The following DNER variants were observed in gnomAD, a reference collection of about 807,000 sequenced individuals.
The protein encoded by DNER is delta/notch like EGF repeat containing, also known as delta and Notch-like epidermal growth factor-related receptor.
DNER carries 33 observed loss-of-function variants against 78.2 expected under a neutral mutation model. That is an observed-to-expected ratio of 0.42 (90% confidence interval 0.32 to 0.56). The LOEUF (loss-of-function observed/expected upper bound fraction) is 0.56, where lower values mean the gene tolerates loss of function less well. Ranked by LOEUF, DNER falls within the 20% of genes least tolerant of loss-of-function variation. DNER has a pLI of 0.11. For synonymous variants in DNER, 417 were observed against 384.8 expected (o/e 1.08, Z -0.98); for missense variants, 918 against 975.3 (o/e 0.94, Z 0.78).
intron 10 of DNER, among the ~76,000 whole-genome samples, chr2:229,392,292 A>G (rs1230117958): frequency 6.0e-5 from 9 of 150,830 alleles, no homozygotes; most frequent in African/African-American, 2.2e-4. Context: ...AAAAAAAACT[A>G]TGAAGACATT....
intron 1 of DNER, among the ~76,000 whole-genome samples, chr2:229,607,782 G>C (rs1014765569): frequency 4.6e-5 from 7 of 152,178 alleles, no homozygotes; most frequent in East Asian, 1.9e-4. Flanking sequence ...CAGCACTTTG[G>C]GGGGCCGAGG....
In DNER at chr2:229,591,962, GT is replaced by G; in HGVS notation, c.277-75del. On this transcript the variant is annotated intron_variant, in intron 1 of 12. Transcript: ENST00000341772. The surrounding 1 kb of genome is among the most constrained non-coding windows in gnomAD (Gnocchi z 4.6). ...GTGCCATCGCTGGGAAATTAGCTCT[GT>G]GTCTCAGAGCGACTGCTGTAATGGA... is the stretch of plus-strand genomic sequence containing the variant. 2 of 1,435,590 alleles carry G rather than the reference GT, an allele frequency of 1.4e-6. No homozygotes were observed. The highest frequency in any genetic ancestry group is 9.1e-7 in the Non-Finnish European group (1 of 1,095,854). 88.9% of individuals were successfully genotyped at this position (1,435,590 alleles called of 1,614,324 possible).
chr2:229,602,896 G>A (rs1426266620), intron 1 of DNER, among the ~76,000 whole-genome samples: 3 of 152,192 alleles, frequency 2.0e-5, no homozygotes, highest in African/African-American at 7.2e-5. Flanking sequence ...GTGTGCTTCT[G>A]TAAAATGGCC....
intron 5 of DNER, among the ~76,000 whole-genome samples, chr2:229,527,052 GA>G (rs1426548978): frequency 6.6e-6 from 1 of 152,146 alleles, no homozygotes; most frequent in African/African-American, 2.4e-5. Flanking sequence ...TTTTAAAAAA[GA>G]AAAAGATCCT....
intron 6 of DNER, among the ~76,000 whole-genome samples, chr2:229,480,493 T>C (rs1037682617): frequency 1.3e-5 from 2 of 152,226 alleles, no homozygotes; most frequent in African/African-American, 4.8e-5. Flanking sequence ...TGTCTGATAA[T>C]GCACAAATAT....
chr2:229,389,991 T>C (rs1350522090), intron 10 of DNER, among the ~76,000 whole-genome samples: 1 of 152,160 alleles, frequency 6.6e-6, no homozygotes, highest in African/African-American at 2.4e-5. Context: ...TTAGTAGAAA[T>C]AGTCATAGAT....
At chr2:229,472,356 T>A (rs1694941497) in intron 7 of DNER, among the ~76,000 whole-genome samples, 1 of 152,232 alleles carries the variant, frequency 6.6e-6, no homozygotes, top group Admixed American at 6.5e-5. Flanking sequence ...GGGATGGTCA[T>A]GCTGCAGAGC....
chr2:229,665,691 T>C (rs1378825907), intron 1 of DNER, among the ~76,000 whole-genome samples: 1 of 152,126 alleles, frequency 6.6e-6, no homozygotes, highest in Non-Finnish European at 1.5e-5. Context: ...AAGCAATGCA[T>C]AGCTGGATTC....
At chr2:229,579,184 T>C (rs1697351399) in intron 4 of DNER, among the ~76,000 whole-genome samples, 1 of 152,178 alleles carries the variant, frequency 6.6e-6, no homozygotes, top group South Asian at 2.1e-4. Flanking sequence ...CTGGCCTGCC[T>C]TCCCTCCCTC....
In DNER at chr2:229,485,935, C is replaced by T. The variant is rs150389039; in HGVS notation, c.1148-8682G>A. ...CAATTGCGACGAGAGCTATTTTTAA[C>T]GCTCCTGGTCTTTTAATAGTCTGGC... On this transcript the variant is annotated intron_variant, in intron 6 of 12. Coordinates refer to ENST00000341772, the MANE Select transcript of DNER (RefSeq NM_139072.4). 9.6e-3 allele frequency among the ~76,000 whole-genome samples: 1,456 copies of T among 152,220 alleles called. 10 individuals carry two copies. Among genetic ancestry groups the T allele is most frequent in the Non-Finnish European group, 0.015 (1,031 of 68,030 alleles).
At chr2:229,620,622 C>A (rs535723327) in intron 1 of DNER, among the ~76,000 whole-genome samples, 1 of 152,346 alleles carries the variant, frequency 6.6e-6, no homozygotes, top group African/African-American at 2.4e-5. Context: ...GAGTTCCCTG[C>A]AAATCCTCAG....
In DNER at chr2:229,601,334, T is replaced by TA. The variant is rs201163463; in HGVS notation, c.277-9447dup. On this transcript the variant is annotated intron_variant, in intron 1 of 12. Transcript: ENST00000341772. ...TGCTTACTCACCAGGAATAAAGATA[T>TA]AAAAAAAAATCACTATAGTGCTTAT... Among the ~76,000 whole-genome samples, 552 of 151,610 alleles carry TA rather than the reference T, an allele frequency of 3.6e-3. 9 individuals carry two copies. Among genetic ancestry groups the TA allele is most frequent in the African/African-American group, 0.012 (505 of 41,348 alleles).
chr2:229,481,029 C>A (rs913202119), intron 6 of DNER, among the ~76,000 whole-genome samples: 2 of 152,112 alleles, frequency 1.3e-5, no homozygotes, highest in African/African-American at 4.8e-5. Flanking sequence ...GATTATAGGA[C>A]CACTGAGCAT....
intron 9 of DNER, among the ~76,000 whole-genome samples, chr2:229,412,555 A>C (rs898214294): frequency 6.6e-6 from 1 of 152,246 alleles, no homozygotes; most frequent in African/African-American, 2.4e-5. Context: ...CATGGCAAAT[A>C]GAAAGAAAAT....
chr2:229,366,170 A>C (rs1411356696), intron 12 of DNER, among the ~76,000 whole-genome samples: 1 of 152,230 alleles, frequency 6.6e-6, no homozygotes, highest in Non-Finnish European at 1.5e-5. Context: ...GTATCCCAGA[A>C]CTTAAAACAA....
chr2:229,358,447 C>G lies in DNER; in HGVS notation c.*93G>C, dbSNP rs1692137491. ...TATTCTACTGAAAACTCTTGAGCAGCTAGCATTTTAAATTTCTTAAGCTTT... is the reference window on the plus strand; with the variant it reads ...TATTCTACTGAAAACTCTTGAGCAGGTAGCATTTTAAATTTCTTAAGCTTT... On this transcript the variant is annotated 3_prime_UTR_variant, in exon 13 of 13. Coordinates refer to ENST00000341772, the MANE Select transcript of DNER (RefSeq NM_139072.4). 1.0e-6 allele frequency: 1 copy of G among 1,004,164 alleles called. No individual in the cohort carries two copies. 62.2% of individuals were successfully genotyped at this position (1,004,164 alleles called of 1,614,324 possible).
At chr2:229,399,024 G>T (rs1362550278) in intron 10 of DNER, among the ~76,000 whole-genome samples, 1 of 151,918 alleles carries the variant, frequency 6.6e-6, no homozygotes, top group Non-Finnish European at 1.5e-5. Context: ...ACAAAGCAAA[G>T]ATGTCTGCTC....
chr2:229,586,841 A>G, intron 3 of DNER: 1 of 985,648 alleles, frequency 1.0e-6, no homozygotes, highest in Non-Finnish European at 1.2e-6. Context: ...TAGACTCCGC[A>G]CAGATCCGCT....
intron 5 of DNER, among the ~76,000 whole-genome samples, chr2:229,525,214 C>T (rs976590355): frequency 1.3e-5 from 2 of 152,218 alleles, no homozygotes; most frequent in African/African-American, 4.8e-5. Context: ...GCTTCACTTT[C>T]CTAGTCAACC....
Sources: gnomAD v4.1 joint callset for allele counts (sites outside exome capture counted in the v4.1 genomes callset) on GRCh38, gnomAD v4.1.1 for gene constraint, Gnocchi (gnomAD v3.1) non-coding constraint, MANE v1.5 for transcripts, NCBI Gene and HGNC (gene_info 2026-07-23, HGNC 2026-07-21) for gene names.